Variants in DNER observed in about 807,000 individuals in gnomAD.
DNER encodes the protein delta/notch like EGF repeat containing.
DNER carries 33 observed loss-of-function variants against 78.2 expected under a neutral mutation model. The observed-to-expected ratio is 0.42, with a 90% CI of 0.32 to 0.56. DNER has a LOEUF of 0.56. DNER is among the 20% of genes least tolerant of loss of function. The pLI, the probability that DNER is intolerant of heterozygous loss-of-function variation, is 0.11. For synonymous variants in DNER, 417 were observed against 384.8 expected, an observed-to-expected ratio of 1.08 and a Z score of -0.98; for missense variants, 918 against 975.3, an observed-to-expected ratio of 0.94 and a Z score of 0.78.
At chr2:229,384,518 A>G (rs1692818349) in intron 11 of DNER, among the ~76,000 whole-genome samples, 1 of 152,164 alleles carries the variant, frequency 6.6e-6, no homozygotes, top group East Asian at 1.9e-4. Flanking sequence ...CACTAGCCAG[A>G]CTAACAAAGA....
chr2:229,628,524 T>A (rs1698382501), intron 1 of DNER, among the ~76,000 whole-genome samples: 1 of 152,150 alleles, frequency 6.6e-6, no homozygotes, highest in South Asian at 2.1e-4. Context: ...GACTGGGCCT[T>A]TTGTCCAAAA....
intron 12 of DNER, 125 bp from the exon 13 acceptor site, chr2:229,358,776 G>T: frequency 1.3e-6 from 1 of 759,508 alleles, no homozygotes; most frequent in Non-Finnish European, 2.1e-6. Context: ...TCTATAGCAA[G>T]CATAGAAACT....
intron 1 of DNER, among the ~76,000 whole-genome samples, chr2:229,607,019 T>A (rs1697953953): frequency 6.6e-6 from 1 of 152,084 alleles, no homozygotes; most frequent in Non-Finnish European, 1.5e-5. Context: ...ACACACAGAC[T>A]CTTATCAAAT....
At chr2:229,544,269 A>T (rs971367841) in intron 5 of DNER, among the ~76,000 whole-genome samples, 1 of 152,014 alleles carries the variant, frequency 6.6e-6, no homozygotes, top group Non-Finnish European at 1.5e-5. Flanking sequence ...AGGGCACAGG[A>T]TGTAAAGGGC....
chr2:229,423,706 T>A (rs551886792), intron 8 of DNER, among the ~76,000 whole-genome samples: 8 of 152,176 alleles, frequency 5.3e-5, no homozygotes, highest in African/African-American at 1.7e-4. Flanking sequence ...TTTATCATTT[T>A]AAAAAAACAC....
chr2:229,697,485 C>G (rs1462888467), intron 1 of DNER, among the ~76,000 whole-genome samples: 1 of 152,190 alleles, frequency 6.6e-6, no homozygotes, highest in Non-Finnish European at 1.5e-5. Context: ...TATTATGTGA[C>G]TTTTACTTCA....
rs934970074 is a variant in DNER, at chr2:229,663,535, T to C, written c.276+50613A>G. On this transcript the variant is annotated intron_variant, in intron 1 of 12. Transcript: ENST00000341772. Reference sequence around the variant, plus strand: ...CTCTAAAAGAGTACAAAATCAGGCATCCCTTTCTCAAAGAGAGATTTCAAT... The same window carrying C: ...CTCTAAAAGAGTACAAAATCAGGCACCCCTTTCTCAAAGAGAGATTTCAAT... 3.9e-5 allele frequency among the ~76,000 whole-genome samples: 6 copies of C among 152,312 alleles called. No individual in the cohort carries two copies. The East Asian group carries it at 1.2e-3, about 29-fold the overall frequency.
intron 4 of DNER, among the ~76,000 whole-genome samples, chr2:229,579,726 G>A (rs146088725): frequency 6.6e-6 from 1 of 151,854 alleles, no homozygotes; most frequent in East Asian, 1.9e-4. Flanking sequence ...CCTAAATTAG[G>A]AACTTTTGCC....
chr2:229,445,532 T>C (rs752030691), intron 8 of DNER, among the ~76,000 whole-genome samples: 42 of 152,184 alleles, frequency 2.8e-4, no homozygotes, highest in Non-Finnish European at 1.2e-4. Context: ...TTAGATGAGA[T>C]TAACGTTTAA....
At chr2:229,666,946 A>T (rs1164602670) in intron 1 of DNER, among the ~76,000 whole-genome samples, 1 of 152,158 alleles carries the variant, frequency 6.6e-6, no homozygotes, top group East Asian at 1.9e-4. Context: ...AACTAACCAA[A>T]TCCTGTCCCT....
rs114889243 is a variant in DNER, at chr2:229,515,498, T to C, written c.994-2562A>G. ...AATTTACTTGGTTTGTATCCAGACA[T>C]TCCATATTGCGGATAAATTTGCTTG... On this transcript the variant is annotated intron_variant, in intron 5 of 12. Coordinates refer to ENST00000341772, the MANE Select transcript of DNER (RefSeq NM_139072.4). Among the ~76,000 whole-genome samples the C allele has an allele frequency of 6.0e-3, 920 of 152,328 alleles. 11 individuals are homozygous for C. Among genetic ancestry groups the C allele is most frequent in the African/African-American group, 0.021 (861 of 41,580 alleles).
intron 11 of DNER, among the ~76,000 whole-genome samples, chr2:229,384,450 C>CA (rs1559337019): frequency 6.6e-6 from 1 of 151,990 alleles, no homozygotes; most frequent in Non-Finnish European, 1.5e-5. Flanking sequence ...AAAAACCCTT[C>CA]AAAAAATCAA....
intron 1 of DNER, among the ~76,000 whole-genome samples, chr2:229,603,284 G>T (rs1697867494): frequency 6.6e-6 from 1 of 151,702 alleles, no homozygotes; most frequent in Non-Finnish European, 1.5e-5. Context: ...AGAACACAAA[G>T]AGTACTAACT....
At chr2:229,578,221 C>T (rs1283499456) in intron 4 of DNER, among the ~76,000 whole-genome samples, 3 of 152,052 alleles carry the variant, frequency 2.0e-5, no homozygotes, top group Admixed American at 6.6e-5. Context: ...CCTGGTCGGT[C>T]GCTCGCCCTG....
At chr2:229,442,365 A>G (rs1305983564) in intron 8 of DNER, among the ~76,000 whole-genome samples, 1 of 152,124 alleles carries the variant, frequency 6.6e-6, no homozygotes, top group South Asian at 2.1e-4. Context: ...AATACAAAAA[A>G]TTAGCTGGTT....
At chr2:229,496,543 T>C (rs2154211830) in intron 6 of DNER, among the ~76,000 whole-genome samples, 1 of 152,278 alleles carries the variant, frequency 6.6e-6, no homozygotes, top group East Asian at 1.9e-4. Context: ...CCTAATTATA[T>C]GATGCCTACC....
chr2:229,570,696 G>C (rs1218571696), intron 4 of DNER, among the ~76,000 whole-genome samples: 1 of 151,996 alleles, frequency 6.6e-6, no homozygotes, highest in African/African-American at 2.4e-5. Context: ...TGTGGAGTAT[G>C]AGGGGCACGA....
chr2:229,378,009 G>A (rs1202007656), intron 11 of DNER, among the ~76,000 whole-genome samples: 1 of 152,174 alleles, frequency 6.6e-6, no homozygotes, highest in Non-Finnish European at 1.5e-5. Context: ...AGTGAAAGAA[G>A]GAGGTAGGAG....
chr2:229,640,164 A>C (rs1227958205), intron 1 of DNER, among the ~76,000 whole-genome samples: 9 of 152,222 alleles, frequency 5.9e-5, no homozygotes, highest in Admixed American at 5.9e-4. Flanking sequence ...CAAAACAAAA[A>C]CAACTATAAA....
Sources: allele counts gnomAD v4.1 joint callset (sites outside exome capture counted in the v4.1 genomes callset), GRCh38; gene constraint gnomAD v4.1.1; transcripts MANE v1.5; gene names NCBI Gene and HGNC (gene_info 2026-07-23, HGNC 2026-07-21).